Variants in SENP7 observed in about 807,000 individuals in gnomAD.
SENP7 encodes the protein sentrin-specific protease 7.
Under a neutral mutation model 141.2 loss-of-function variants are expected in SENP7, and 64 were observed. The observed-to-expected ratio is 0.45, with a 90% CI of 0.37 to 0.56. The LOEUF is 0.56. SENP7 is among the 20% of genes least tolerant of loss of function. SENP7 has a pLI of 0.00. For synonymous variants in SENP7, 382 were observed against 426.4 expected, an observed-to-expected ratio of 0.90 and a Z score of 1.28; for missense variants, 1,025 against 1,212.2, an observed-to-expected ratio of 0.85 and a Z score of 2.29.
chr3:101,484,455 C>T (rs1316341091), intron 3 of SENP7, among the ~76,000 whole-genome samples: 1 of 152,082 alleles, frequency 6.6e-6, no homozygotes, highest in East Asian at 1.9e-4. Context: ...AGCCCCAGAT[C>T]GACAGCAACA....
intron 17 of SENP7, among the ~76,000 whole-genome samples, chr3:101,336,749 T>G (rs1382886804): frequency 6.6e-6 from 1 of 152,242 alleles, no homozygotes; most frequent in Non-Finnish European, 1.5e-5. Context: ...TGCCTCATGT[T>G]GCAACAACTA....
At position 101,378,701 on chromosome 3, in the gene SENP7, G is replaced by A. The variant is rs960778238; in HGVS notation, c.678-6575C>T. 6.6e-5 allele frequency among the ~76,000 whole-genome samples: 10 copies of A among 152,178 alleles called. No homozygotes were observed. The South Asian group carries it at 1.9e-3, about 28-fold the overall frequency. On this transcript the variant is annotated intron_variant, in intron 6 of 23. Coordinates refer to ENST00000394095, the MANE Select transcript of SENP7 (RefSeq NM_020654.5). ...CAGACACCAAATCACAGACTGGCAA[G>A]TTCAGAGAACACCAAAGAGAATAAA...
chr3:101,362,461 T>G lies in SENP7; in HGVS notation c.1477-600A>C, dbSNP rs1429163024. ...TTAACCAAAATAATGTTCTTGCTAC[T>G]GCACTTTAAAATTTTTTTATTTTAG... On this transcript the variant is annotated intron_variant, in intron 10 of 23. Coordinates refer to ENST00000394095, the MANE Select transcript of SENP7 (RefSeq NM_020654.5). 2.0e-5 allele frequency among the ~76,000 whole-genome samples: 3 copies of G among 152,212 alleles called. No homozygotes were observed. The East Asian group carries it at 5.8e-4, about 29-fold the overall frequency.
At chr3:101,335,658 A>G (rs2059165314) in intron 17 of SENP7, among the ~76,000 whole-genome samples, 1 of 152,084 alleles carries the variant, frequency 6.6e-6, no homozygotes, top group Non-Finnish European at 1.5e-5. Flanking sequence ...ATCTACTTTC[A>G]TTTCCTTAGT....
intron 6 of SENP7, among the ~76,000 whole-genome samples, chr3:101,391,809 A>G (rs1559759819): frequency 6.6e-6 from 1 of 152,228 alleles, no homozygotes; most frequent in Non-Finnish European, 1.5e-5. Context: ...AATATGAGCA[A>G]CACAGATGCA....
intron 11 of SENP7, among the ~76,000 whole-genome samples, chr3:101,353,521 T>C: frequency 6.6e-6 from 1 of 152,022 alleles, no homozygotes; most frequent in East Asian, 1.9e-4. Context: ...CCCCTAGATT[T>C]AAAAATAAGA....
chr3:101,457,757 A>T (rs2063404053), intron 4 of SENP7: 1 of 750,292 alleles, frequency 1.3e-6, no homozygotes, highest in Admixed American at 2.3e-5. Flanking sequence ...GGGGCCATGC[A>T]GAGAACTAGG....
chr3:101,353,900 A>C (rs544547106), intron 11 of SENP7, among the ~76,000 whole-genome samples: 1 of 151,980 alleles, frequency 6.6e-6, no homozygotes, highest in Non-Finnish European at 1.5e-5. Flanking sequence ...GTAGGTAGTC[A>C]CTGAATATAT....
intron 3 of SENP7, among the ~76,000 whole-genome samples, chr3:101,490,825 G>A (rs147231167): frequency 3.6e-4 from 55 of 152,148 alleles, no homozygotes; most frequent in African/African-American, 1.0e-3. Context: ...GTGGAAATGC[G>A]GCAAGATACT....
At chr3:101,482,871 A>T (rs1198496484) in intron 3 of SENP7, among the ~76,000 whole-genome samples, 1 of 152,178 alleles carries the variant, frequency 6.6e-6, no homozygotes. Flanking sequence ...AGTTCCTTTC[A>T]ATCCATATCA....
chr3:101,450,879 G>T (rs1482633847), intron 4 of SENP7, among the ~76,000 whole-genome samples: 2 of 152,032 alleles, frequency 1.3e-5, no homozygotes, highest in East Asian at 3.8e-4. Flanking sequence ...AGAACTGAAG[G>T]AAATAGAGAC....
At chr3:101,377,734 A>C (rs72940364) in intron 6 of SENP7, among the ~76,000 whole-genome samples, 1,609 of 152,340 alleles carry the variant, frequency 0.011, 23 homozygotes, top group African/African-American at 0.036. Flanking sequence ...AGCTCCGTCT[A>C]GCATTCTGTG....
intron 4 of SENP7, chr3:101,457,708 G>A (rs2063401910): frequency 1.9e-6 from 2 of 1,057,554 alleles, no homozygotes; most frequent in African/African-American, 1.6e-5. Flanking sequence ...AGTTTTTCCT[G>A]ATTCATGATT....
At chr3:101,348,990 C>G (rs1353515147) in intron 12 of SENP7, among the ~76,000 whole-genome samples, 1 of 152,148 alleles carries the variant, frequency 6.6e-6, no homozygotes, top group African/African-American at 2.4e-5. Flanking sequence ...ATAGTCTAAG[C>G]TGAGCTTGTG....
At position 101,449,219 on chromosome 3, in the gene SENP7, T is replaced by C. The variant is rs531832594; in HGVS notation, c.284+9736A>G. ...AAAGCCTCCAAGAAATATGGGACTA[T>C]GTGAAAAGACCAAATCTACGTCTGA... On this transcript the variant is annotated intron_variant, in intron 4 of 23. Transcript: ENST00000394095. Among the ~76,000 whole-genome samples the C allele has an allele frequency of 3.3e-5, 5 of 152,244 alleles. No homozygotes were observed. In the East Asian group the frequency reaches 9.7e-4, roughly 29 times the overall value.
intron 6 of SENP7, among the ~76,000 whole-genome samples, chr3:101,382,508 A>G (rs921099957): frequency 2.0e-5 from 3 of 152,236 alleles, no homozygotes; most frequent in Non-Finnish European, 4.4e-5. Context: ...AATTCGGTAT[A>G]TATTATTTGG....
Position 101,341,796 on chromosome 3 carries a change from A to G in SENP7, c.2107-17T>C. 2 of 1,568,242 alleles carry G rather than the reference A, an allele frequency of 1.3e-6. No individual in the cohort carries two copies. The highest frequency in any genetic ancestry group is 1.7e-6 in the Non-Finnish European group (2 of 1,146,304). On this transcript the variant is annotated splice_polypyrimidine_tract_variant and intron_variant, in intron 14 of 23. Transcript: ENST00000394095. ...GTTTGAGGGCTGACAGAAAGTGGCA[A>G]GAAAAAGGGTCTCAAACATCATAAC...
At chr3:101,422,697 G>C (rs2061826447) in intron 4 of SENP7, among the ~76,000 whole-genome samples, 1 of 151,946 alleles carries the variant, frequency 6.6e-6, no homozygotes, top group African/African-American at 2.4e-5. Flanking sequence ...AATGATCATT[G>C]ATCCATATAC....
chr3:101,457,324 G>A (rs2063385136), intron 4 of SENP7: 6 of 1,422,742 alleles, frequency 4.2e-6, no homozygotes, highest in Non-Finnish European at 5.9e-6. Flanking sequence ...CCAGTAGCAA[G>A]TGGTGCTTTT....
Sources: allele counts gnomAD v4.1 joint callset (sites outside exome capture counted in the v4.1 genomes callset), GRCh38; gene constraint gnomAD v4.1.1; transcripts MANE v1.5; gene names NCBI Gene and HGNC (gene_info 2026-07-23, HGNC 2026-07-21).